Variants in SLC39A10 observed in about 807,000 individuals in gnomAD.
SLC39A10 encodes the protein solute carrier family 39 member 10, also known as zinc transporter ZIP10.
Under a neutral mutation model 65.1 loss-of-function variants are expected in SLC39A10, and 13 were observed. The ratio of observed to expected loss-of-function variants is 0.20; its 90% CI spans 0.13 to 0.32. The LOEUF (loss-of-function observed/expected upper bound fraction) is 0.32, where lower values mean the gene tolerates loss of function less well. SLC39A10 is among the 10% of genes least tolerant of loss of function. The probability of loss-of-function intolerance (pLI) is 1.00; values close to 1 mark genes in which losing one functional copy is unlikely to be tolerated. For missense variants in SLC39A10, 831 were observed against 1,018.4 expected, an observed-to-expected ratio of 0.82 and a Z score of 2.50; for synonymous variants, 321 against 342.2, an observed-to-expected ratio of 0.94 and a Z score of 0.68.
At chr2:195,723,068 G>C (rs1669979500) in intron 8 of SLC39A10, among the ~76,000 whole-genome samples, 1 of 152,136 alleles carries the variant, frequency 6.6e-6, no homozygotes, top group African/African-American at 2.4e-5. Context: ...TTGTAGTTGT[G>C]TTTAGGAATG....
intron 2 of SLC39A10, among the ~76,000 whole-genome samples, chr2:195,618,045 C>T (rs1188805101): frequency 9.1e-6 from 1 of 109,440 alleles, no homozygotes; most frequent in Non-Finnish European, 1.8e-5. Context: ...GGCCTTGTCT[C>T]TATTTTAAAA....
intron 2 of SLC39A10, among the ~76,000 whole-genome samples, chr2:195,634,118 C>T (rs1188910199): frequency 2.0e-5 from 3 of 152,242 alleles, no homozygotes; most frequent in Non-Finnish European, 4.4e-5. Flanking sequence ...TGAAAATTTA[C>T]AAACACAAAT....
intron 9 of SLC39A10, among the ~76,000 whole-genome samples, chr2:195,729,961 A>ATTTTTTTTTTTT (rs58936616): frequency 9.8e-5 from 9 of 92,136 alleles, no homozygotes; most frequent in Non-Finnish European, 1.6e-4. Flanking sequence ...ACCATGCCTA[A>ATTTTTTTTTTTT]TTTTTTTTTT....
chr2:195,684,501 C>CTGTG (rs1690449662), intron 3 of SLC39A10, among the ~76,000 whole-genome samples: 3 of 152,078 alleles, frequency 2.0e-5, no homozygotes, highest in Non-Finnish European at 2.9e-5. Context: ...AGGTACCTCC[C>CTGTG]ACTTAATATT....
chr2:195,643,762 C>T (rs558745661), intron 2 of SLC39A10, among the ~76,000 whole-genome samples: 4 of 152,302 alleles, frequency 2.6e-5, no homozygotes, highest in African/African-American at 9.6e-5. Flanking sequence ...AAAATTCTAC[C>T]ATCATTCAAC....
chr2:195,706,671 C>A lies in SLC39A10; in HGVS notation c.1272C>A (p.Gly424=), dbSNP rs1208165200. The A allele has an allele frequency of 6.2e-7, 1 of 1,611,154 alleles. No individual in the cohort carries two copies. The change falls in exon 4 of 10, where the codon GGC becomes GGA. Residue 424 remains glycine, a synonymous_variant. Transcript: ENST00000359634. ...TCATTAGCCTGCTTTCCTTGCTAGG[C>A]GTGATCTTGGTTCCTATCATTAACC... The part of the protein sequence containing the change: ...ITVISLLSLL[G]VILVPIINQG...
chr2:195,716,375 C>G (rs548484108), intron 6 of SLC39A10, among the ~76,000 whole-genome samples: 1 of 152,210 alleles, frequency 6.6e-6, no homozygotes, highest in East Asian at 1.9e-4. Context: ...TGACCTCATC[C>G]GGAGCATCTT....
intron 2 of SLC39A10, among the ~76,000 whole-genome samples, chr2:195,648,302 T>C (rs1415344819): frequency 6.6e-6 from 1 of 152,134 alleles, no homozygotes; most frequent in African/African-American, 2.4e-5. Context: ...GGCCCTTATC[T>C]GGCTTCTTAT....
chr2:195,734,984 C>T lies in SLC39A10; in HGVS notation c.2439C>T (p.Ala813=). The change falls in exon 10 of 10, where the codon GCC becomes GCT. Residue 813 remains alanine, a synonymous_variant. Coordinates refer to ENST00000359634, the MANE Select transcript of SLC39A10 (RefSeq NM_020342.3). ...LQNLGLLFGF[A]IMLVIALYED... is the part of the protein sequence containing the mutation. ...ATTTAGGATTGCTCTTTGGATTTGC[C>T]ATTATGCTGGTGATTGCCCTCTATG... The T allele has an allele frequency of 6.2e-7, 1 of 1,613,832 alleles. No individual in the cohort carries two copies. Among genetic ancestry groups the T allele is most frequent in the Non-Finnish European group, 8.5e-7 (1 of 1,179,892 alleles).
intron 8 of SLC39A10, among the ~76,000 whole-genome samples, chr2:195,724,225 A>G (rs889673373): frequency 7.9e-5 from 12 of 152,174 alleles, no homozygotes; most frequent in African/African-American, 2.2e-4. Flanking sequence ...TTAGTTTAAC[A>G]GCTTTGGCAG....
chr2:195,616,592 A>G (rs1052099102), intron 2 of SLC39A10, among the ~76,000 whole-genome samples: 1 of 151,294 alleles, frequency 6.6e-6, no homozygotes, highest in Admixed American at 6.6e-5. Flanking sequence ...GGCATGAGCC[A>G]CCGCGCCTGG....
chr2:195,733,781 C>T (rs952785659), intron 9 of SLC39A10, among the ~76,000 whole-genome samples: 4 of 152,068 alleles, frequency 2.6e-5, no homozygotes, highest in Non-Finnish European at 5.9e-5. Context: ...CTGCCCGCCT[C>T]GGCCTCTCAA....
intron 9 of SLC39A10, among the ~76,000 whole-genome samples, chr2:195,733,558 T>C (rs531661322): frequency 6.6e-6 from 1 of 152,018 alleles, no homozygotes; most frequent in Non-Finnish European, 1.5e-5. Flanking sequence ...GAGACGGAGT[T>C]TTGCTCTTGT....
chr2:195,653,563 G>C (rs2105715692), upstream of SLC39A10, among the ~76,000 whole-genome samples: 1 of 152,238 alleles, frequency 6.6e-6, no homozygotes, highest in East Asian at 1.9e-4. Flanking sequence ...CATAAGTGCT[G>C]GGATTACAAG....
chr2:195,680,781 A>G lies in SLC39A10; in HGVS notation c.739A>G (p.Ile247Val), dbSNP rs777201920. Reference sequence around the variant, plus strand: ...GAAAAGTAATGAAAATTCTGAGGTTATTACACCAGGTTTTCCCCCTAACCA... The same window carrying G: ...GAAAAGTAATGAAAATTCTGAGGTTGTTACACCAGGTTTTCCCCCTAACCA... ...GRKSNENSEV[I>V]TPGFPPNHDQ... is the part of the protein sequence containing the mutation. The change falls in exon 2 of 10, where the codon ATT (isoleucine) becomes GTT (valine). Residue 247 changes from isoleucine (I) to valine (V), a missense_variant. By Grantham distance (29) the Ile-to-Val change is conservative. Coordinates refer to ENST00000359634, the MANE Select transcript of SLC39A10 (RefSeq NM_020342.3). 6.2e-7 allele frequency: 1 copy of G among 1,614,158 alleles called. No individual in the cohort carries two copies. The highest frequency in any genetic ancestry group is 8.5e-7 in the Non-Finnish European group (1 of 1,180,018).
At chr2:195,646,669 G>A (rs1387050961) in intron 2 of SLC39A10, among the ~76,000 whole-genome samples, 1 of 150,588 alleles carries the variant, frequency 6.6e-6, no homozygotes, top group Non-Finnish European at 1.5e-5. Context: ...GGCCGGTAGG[G>A]CCTTTTAGGA....
At chr2:195,724,627 C>T (rs963246677) in intron 8 of SLC39A10, among the ~76,000 whole-genome samples, 1 of 152,052 alleles carries the variant, frequency 6.6e-6, no homozygotes, top group African/African-American at 2.4e-5. Context: ...TTAAATCTAA[C>T]AATATGCATA....
At chr2:195,661,030 T>C (rs1415831101) in intron 1 of SLC39A10, among the ~76,000 whole-genome samples, 1 of 152,170 alleles carries the variant, frequency 6.6e-6, no homozygotes, top group Non-Finnish European at 1.5e-5. Context: ...TTTTATATCA[T>C]TAATATTATT....
At chr2:195,685,072 A>G (rs933119355) in intron 3 of SLC39A10, among the ~76,000 whole-genome samples, 1 of 152,032 alleles carries the variant, frequency 6.6e-6, no homozygotes, top group Non-Finnish European at 1.5e-5. Context: ...CCATTTTGCT[A>G]TCTTATGTGT....
Sources: gnomAD v4.1 joint callset for allele counts (sites outside exome capture counted in the v4.1 genomes callset) on GRCh38, gnomAD v4.1.1 for gene constraint, MANE v1.5 for transcripts, NCBI Gene and HGNC (gene_info 2026-07-23, HGNC 2026-07-21) for gene names.